The following APOLD1 variants were observed in gnomAD, a reference collection of about 807,000 sequenced individuals.
The protein encoded by APOLD1 is apolipoprotein L domain containing 1.
A neutral mutation model predicts 15.3 loss-of-function variants in APOLD1; 22 were observed. The ratio of observed to expected loss-of-function variants is 1.44; its 90% CI spans 1.03 to 2.05. The LOEUF (loss-of-function observed/expected upper bound fraction) is 2.05. Ranked by LOEUF, APOLD1 falls within the 30% of genes most tolerant of loss-of-function variation. APOLD1 has a pLI of 0.00. For synonymous variants in APOLD1, 190 were observed against 167.4 expected (o/e 1.13, Z -1.04); for missense variants, 394 against 353.5 (o/e 1.11, Z -0.92).
chr12:12,734,559 T>C (rs924344450), intron 1 of APOLD1, among the ~76,000 whole-genome samples: 1 of 152,244 alleles, frequency 6.6e-6, no homozygotes, highest in Non-Finnish European at 1.5e-5. Context: ...AGATTCCTTC[T>C]GGCTTACAGC....
At chr12:12,752,884 A>C (rs1946822895) in intron 1 of APOLD1, among the ~76,000 whole-genome samples, 1 of 152,160 alleles carries the variant, frequency 6.6e-6, no homozygotes, top group Non-Finnish European at 1.5e-5. Flanking sequence ...GCTGCTTGCT[A>C]TCCCTTCTCT....
At chr12:12,747,204 T>C (rs140500767) in intron 1 of APOLD1, among the ~76,000 whole-genome samples, 2,620 of 152,286 alleles carry the variant, frequency 0.017, 46 homozygotes, top group South Asian at 0.028. Context: ...TTCGAATTCT[T>C]GGACTCAAGC....
chr12:12,778,517 G>A (rs940359516), intron 1 of APOLD1, among the ~76,000 whole-genome samples: 1 of 149,950 alleles, frequency 6.7e-6, no homozygotes, highest in South Asian at 2.1e-4. Flanking sequence ...TTATAGAGAT[G>A]GGTTCTCACT....
intron 1 of APOLD1, among the ~76,000 whole-genome samples, chr12:12,767,979 G>T (rs879767698): frequency 2.0e-5 from 3 of 151,992 alleles, no homozygotes; most frequent in Non-Finnish European, 4.4e-5. Context: ...AGAGACGGGG[G>T]TTTCACCATA....
chr12:12,746,296 G>C (rs1221563497), intron 1 of APOLD1, among the ~76,000 whole-genome samples: 1 of 152,242 alleles, frequency 6.6e-6, no homozygotes, highest in East Asian at 1.9e-4. Flanking sequence ...AGGAGTTCGA[G>C]ACCAACCTGG....
intron 1 of APOLD1, among the ~76,000 whole-genome samples, chr12:12,753,003 A>G (rs559600333): frequency 4.6e-5 from 7 of 152,172 alleles, no homozygotes; most frequent in Non-Finnish European, 8.8e-5. Flanking sequence ...GTGTCTGGCA[A>G]TACCTGGGAG....
At chr12:12,745,837 G>T (rs999390452) in intron 1 of APOLD1, among the ~76,000 whole-genome samples, 2 of 152,120 alleles carry the variant, frequency 1.3e-5, no homozygotes, top group African/African-American at 4.8e-5. Flanking sequence ...GCCTACAGCA[G>T]ATCTTTCAGC....
At position 12,787,104 on chromosome 12, in the gene APOLD1, G is replaced by T. The variant is rs1947135637; in HGVS notation, c.199G>T (p.Ala67Ser). 1.4e-6 allele frequency: 2 copies of T among 1,414,314 alleles called. No individual in the cohort carries two copies. 87.6% of individuals were successfully genotyped at this position (1,414,314 alleles called of 1,614,324 possible). The change falls in exon 2 of 2, where the codon GCC becomes TCC. Residue 67 changes from alanine to serine, a missense_variant. Ala to Ser is a moderately conservative substitution (Grantham distance 99, BLOSUM62 1). Coordinates refer to ENST00000356591, the MANE Select transcript of APOLD1 (RefSeq NM_030817.3). This position sits in a 1 kb window ranked among gnomAD's most constrained non-coding sequence, Gnocchi z 4.9. Reference protein sequence around the residue: ...VAGSSLSATGALAAIVGLSLS... With the variant: ...VAGSSLSATGSLAAIVGLSLS... ...CGGCAGCTCGCTGAGCGCAACGGGCGCCCTCGCCGCCATCGTGGGGCTCTC... is the reference window on the plus strand; with the variant it reads ...CGGCAGCTCGCTGAGCGCAACGGGCTCCCTCGCCGCCATCGTGGGGCTCTC...
At chr12:12,759,554 TTTG>T (rs59563059) in intron 1 of APOLD1, among the ~76,000 whole-genome samples, 3,268 of 152,236 alleles carry the variant, frequency 0.021, 73 homozygotes, top group African/African-American at 0.054. Flanking sequence ...GATATCTGTT[TTTG>T]TTGTTGTTGT....
intron 1 of APOLD1, among the ~76,000 whole-genome samples, chr12:12,761,030 C>A (rs1343839224): frequency 6.6e-6 from 1 of 152,142 alleles, no homozygotes; most frequent in Non-Finnish European, 1.5e-5. Context: ...TAACCTAAAC[C>A]TAGAATGTGA....
In APOLD1 at chr12:12,787,353, C is replaced by A. The variant is rs558315485; in HGVS notation, c.448C>A (p.Arg150Ser). The A allele has an allele frequency of 3.7e-6, 6 of 1,613,988 alleles. No homozygotes were observed. The highest frequency in any genetic ancestry group is 3.3e-4 in the Middle Eastern group (2 of 6,062). The change falls in exon 2 of 2, where the codon CGC becomes AGC. Residue 150 changes from arginine (R) to serine (S), a missense_variant. Physicochemically the swap from Arg to Ser is moderately radical, Grantham distance 110. Transcript: ENST00000356591. The surrounding 1 kb of genome is among the most constrained non-coding windows in gnomAD (Gnocchi z 4.9). ...CTGCCGCTGGCAGGGCTGCGGGGAC[C>A]GCCAGCTGCTGCAGTGCGGGAGGAA... ...FFCRWQGCGDRQLLQCGRNAS... is the reference protein window; with the variant it reads ...FFCRWQGCGDSQLLQCGRNAS...
At chr12:12,736,846 G>C (rs989257305) in intron 1 of APOLD1, among the ~76,000 whole-genome samples, 1 of 152,202 alleles carries the variant, frequency 6.6e-6, no homozygotes, top group Admixed American at 6.5e-5. Flanking sequence ...GTGCATTCAA[G>C]GAAGAGCCCT....
chr12:12,743,454 A>T (rs1946742550), intron 1 of APOLD1, among the ~76,000 whole-genome samples: 1 of 152,208 alleles, frequency 6.6e-6, no homozygotes, highest in African/African-American at 2.4e-5. Flanking sequence ...ATCTAACAAA[A>T]TAAATCCTTA....
chr12:12,741,038 C>T (rs527858685), intron 1 of APOLD1, among the ~76,000 whole-genome samples: 5 of 152,138 alleles, frequency 3.3e-5, no homozygotes, highest in Non-Finnish European at 5.9e-5. Context: ...AATTATGTCT[C>T]TCAAAGTCCT....
intron 1 of APOLD1, among the ~76,000 whole-genome samples, chr12:12,756,649 C>T (rs1946859353): frequency 6.6e-6 from 1 of 152,166 alleles, no homozygotes; most frequent in African/African-American, 2.4e-5. Flanking sequence ...GAAGCTTGTA[C>T]CCATTAAACA....
At chr12:12,771,742 C>A in intron 1 of APOLD1, 1 of 311,414 alleles carries the variant, frequency 3.2e-6, no homozygotes. Flanking sequence ...ATAATAATAG[C>A]AATAATGTTC....
In APOLD1 at chr12:12,762,156, A is replaced by T. The variant is rs937151964; in HGVS notation, c.97-24753A>T. Among the ~76,000 whole-genome samples the T allele has an allele frequency of 1.6e-4, 24 of 152,014 alleles. 1 individual carries two copies. On this transcript the variant is annotated intron_variant, in intron 1 of 1. Transcript: ENST00000326765. ...AGTGCCTAGAGACTAGCAATGGTGGAAAGTGATGCCCATTCCTAAGGCCTC... is the reference window on the plus strand; with the variant it reads ...AGTGCCTAGAGACTAGCAATGGTGGTAAGTGATGCCCATTCCTAAGGCCTC...
At chr12:12,738,445 G>A (rs1020595424) in intron 1 of APOLD1, among the ~76,000 whole-genome samples, 1 of 152,030 alleles carries the variant, frequency 6.6e-6, no homozygotes, top group African/African-American at 2.4e-5. Context: ...TGCTCAAGCA[G>A]TCCTCCCAAC....
chr12:12,759,993 A>C (rs1167811800), intron 1 of APOLD1, among the ~76,000 whole-genome samples: 2 of 152,216 alleles, frequency 1.3e-5, no homozygotes, highest in Non-Finnish European at 2.9e-5. Context: ...GAACTATACA[A>C]CACCATGAAA....
Sources: gnomAD v4.1 joint callset for allele counts (sites outside exome capture counted in the v4.1 genomes callset) on GRCh38, gnomAD v4.1.1 for gene constraint, Gnocchi (gnomAD v3.1) non-coding constraint, MANE v1.5 for transcripts, NCBI Gene and HGNC (gene_info 2026-07-23, HGNC 2026-07-21) for gene names.